The following TTC21A variants were observed in gnomAD, a reference collection of about 807,000 sequenced individuals.
The protein encoded by TTC21A is tetratricopeptide repeat protein 21A.
A neutral mutation model predicts 156.4 loss-of-function variants in TTC21A; 128 were observed. That is an observed-to-expected ratio of 0.82 (90% confidence interval 0.71 to 0.95). The LOEUF (loss-of-function observed/expected upper bound fraction) is 0.95. Ranked by LOEUF, TTC21A falls within the 40% of genes least tolerant of loss-of-function variation. TTC21A has a pLI of 0.00. For missense variants in TTC21A, 1,435 were observed against 1,602.3 expected (o/e 0.90, Z 1.78); for synonymous variants, 587 against 617.1 (o/e 0.95, Z 0.72).
intron 1 of TTC21A, among the ~76,000 whole-genome samples, chr3:39,108,687 A>C (rs2036493694): frequency 6.6e-6 from 1 of 152,230 alleles, no homozygotes; most frequent in Admixed American, 6.5e-5. Context: ...TTAGCTGTGA[A>C]AGATACTGAG....
intron 12 of TTC21A, among the ~76,000 whole-genome samples, chr3:39,127,271 A>G (rs1015561704): frequency 6.6e-6 from 1 of 152,132 alleles, no homozygotes; most frequent in Non-Finnish European, 1.5e-5. Flanking sequence ...GGGGTGTCCA[A>G]AGGGATCAGA....
At chr3:39,129,984 A>C in intron 15 of TTC21A, 95 bp from the exon 16 acceptor site, 1 of 1,244,392 alleles carries the variant, frequency 8.0e-7, no homozygotes, top group Non-Finnish European at 1.2e-6. Flanking sequence ...AATGAATGTC[A>C]GCCAGAATCA....
At chr3:39,111,331 GC>G (rs2036812925) in intron 4 of TTC21A, among the ~76,000 whole-genome samples, 1 of 152,134 alleles carries the variant, frequency 6.6e-6, no homozygotes, top group African/African-American at 2.4e-5. Context: ...TTCCACCTCA[GC>G]CCCCCAAGTA....
Position 39,130,578 on chromosome 3 carries a change from C to T in TTC21A, c.2320-123C>T. ...CACCCTGTGCCAGCTGGGAGGAGTGCCTTTTCACTTTAGGCTATGTTCTGG... is the reference window on the plus strand; with the variant it reads ...CACCCTGTGCCAGCTGGGAGGAGTGTCTTTTCACTTTAGGCTATGTTCTGG... On this transcript the variant is annotated intron_variant, in intron 17 of 28. Coordinates refer to ENST00000683103, the MANE Select transcript of TTC21A (RefSeq NM_001366900.1). The surrounding 1 kb of genome is among the most constrained non-coding windows in gnomAD (Gnocchi z 4.5). The T allele has an allele frequency of 7.7e-7, 1 of 1,292,370 alleles. No individual in the cohort carries two copies. Among genetic ancestry groups the T allele is most frequent in the Non-Finnish European group, 1.1e-6 (1 of 924,272 alleles). The allele number at this position is 1,292,370 out of a possible 1,614,324, so 80.1% of individuals were successfully genotyped here.
rs183809471 is a variant in TTC21A at position 39,134,867 on chromosome 3, C to T, written c.2863-226C>T. ...CTTCCCATGTACATCCTCAACCCAA[C>T]TCTTCTTGCCCCTCACCTTGGGAAG... On this transcript the variant is annotated intron_variant, in intron 21 of 28. Coordinates refer to ENST00000683103, the MANE Select transcript of TTC21A (RefSeq NM_001366900.1). The surrounding 1 kb of genome is among the most constrained non-coding windows in gnomAD (Gnocchi z 4.6). 348 of 594,956 alleles carry T rather than the reference C, an allele frequency of 5.8e-4. 2 individuals carry two copies. In the African/African-American group the frequency reaches 5.9e-3, roughly 10 times the overall value. 36.9% of individuals were successfully genotyped at this position (594,956 alleles called of 1,614,324 possible).
Position 39,107,734 on chromosome 3 carries a change from C to A in TTC21A, c.-104C>A, listed in dbSNP as rs959022124. On this transcript the variant is annotated 5_prime_UTR_variant, in exon 1 of 29. Coordinates refer to ENST00000683103, the MANE Select transcript of TTC21A (RefSeq NM_001366900.1). ...GCAGCTCGGTTTCCAAGGACTGTAA[C>A]GCCTTCAACCGCCCGCCGCGATAGA... The A allele has an allele frequency of 4.5e-5, 69 of 1,526,718 alleles. No individual in the cohort carries two copies. Among genetic ancestry groups the A allele is most frequent in the African/African-American group, 1.2e-4 (9 of 73,386 alleles). The allele number at this position is 1,526,718 out of a possible 1,614,324, so 94.6% of individuals were successfully genotyped here.
chr3:39,135,058 T>C (rs1247233869), intron 21 of TTC21A, 35 bp from the exon 22 acceptor site: 1 of 1,549,264 alleles, frequency 6.5e-7, no homozygotes, highest in Admixed American at 1.7e-5. Flanking sequence ...GCTGCCACTG[T>C]TGGGAAATCT....
intron 12 of TTC21A, among the ~76,000 whole-genome samples, chr3:39,127,674 C>A (rs2038381296): frequency 6.6e-6 from 1 of 152,172 alleles, no homozygotes; most frequent in Admixed American, 6.5e-5. Flanking sequence ...ACACCCAACC[C>A]CTAGGCTGCT....
At chr3:39,131,252 G>A (rs773838310) in intron 19 of TTC21A, among the ~76,000 whole-genome samples, 157 bp downstream of exon 19, 20 of 152,140 alleles carry the variant, frequency 1.3e-4, no homozygotes, top group Non-Finnish European at 2.2e-4. Context: ...TTATTTTCCC[G>A]TCCTGGTTCA....
chr3:39,108,134 C>A, intron 1 of TTC21A: 1 of 576,584 alleles, frequency 1.7e-6, no homozygotes, highest in Non-Finnish European at 3.1e-6. Context: ...ATCATCCCTT[C>A]TTCCACCCAG....
At chr3:39,116,874 TTTAA>T (rs2037338149) in intron 6 of TTC21A, among the ~76,000 whole-genome samples, 1 of 152,230 alleles carries the variant, frequency 6.6e-6, no homozygotes. Context: ...AGTTTTATTT[TTTAA>T]TTTTTAATTG....
chr3:39,110,281 G>T (rs1256313354), intron 3 of TTC21A, 142 bp downstream of exon 3: 1 of 714,866 alleles, frequency 1.4e-6, no homozygotes, highest in Non-Finnish European at 2.5e-6. Context: ...GTGAGAAGTG[G>T]CTGCTGCTCC....
intron 20 of TTC21A, among the ~76,000 whole-genome samples, 163 bp downstream of exon 20, chr3:39,133,403 G>A (rs1021829146): frequency 1.3e-5 from 2 of 152,248 alleles, no homozygotes; most frequent in Non-Finnish European, 2.9e-5. Flanking sequence ...CTGGGGTAAG[G>A]TGTCTGCTCC....
rs2125877927 is a variant in TTC21A, at chr3:39,138,381, G to A, written c.3790G>A (p.Ala1264Thr). The part of the protein sequence containing the change: ...AWKYSHHANP[A>T]IGFKLAFNYL... ...GAAGTACAGTCATCACGCCAACCCT[G>A]CCATTGGTAAGGCAACCAGCCAGGG... The change falls in exon 27 of 29, where the codon GCC becomes ACC. Residue 1264 changes from alanine (A) to threonine (T), a missense_variant. Coordinates refer to ENST00000683103, the MANE Select transcript of TTC21A (RefSeq NM_001366900.1). 6.2e-7 allele frequency: 1 copy of A among 1,614,060 alleles called. No homozygotes were observed. The highest frequency in any genetic ancestry group is 2.2e-5 in the East Asian group (1 of 44,882).
chr3:39,124,002 A>C (rs926049992), intron 9 of TTC21A, among the ~76,000 whole-genome samples: 2 of 152,168 alleles, frequency 1.3e-5, no homozygotes, highest in African/African-American at 2.4e-5. Flanking sequence ...ACTGGCAAAA[A>C]TTACAGCACG....
chr3:39,126,169 A>AT, intron 11 of TTC21A, 92 bp from the exon 12 acceptor site: 1 of 1,508,632 alleles, frequency 6.6e-7, no homozygotes, highest in East Asian at 2.3e-5. Flanking sequence ...ATGAAGCAAA[A>AT]TTCCTTCACT....
At chr3:39,138,092 A>G in intron 26 of TTC21A, 175 bp from the exon 27 acceptor site, 1 of 825,574 alleles carries the variant, frequency 1.2e-6, no homozygotes, top group Non-Finnish European at 1.9e-6. Context: ...AGAGGAGGGC[A>G]CACAGTTGGC....
chr3:39,137,802 A>G (rs2039248582), intron 26 of TTC21A, 92 bp downstream of exon 26: 1 of 1,351,730 alleles, frequency 7.4e-7, no homozygotes, highest in Admixed American at 2.0e-5. Context: ...GGTAGAGGCC[A>G]TATGGAATAA....
Position 39,130,437 on chromosome 3 carries a change from G to A in TTC21A, c.2319+79G>A. The A allele has an allele frequency of 8.2e-7, 1 of 1,220,870 alleles. No homozygotes were observed. The highest frequency in any genetic ancestry group is 1.1e-6 in the Non-Finnish European group (1 of 869,982). 75.6% of individuals were successfully genotyped at this position (1,220,870 alleles called of 1,614,324 possible). The stretch of plus-strand genomic sequence containing the variant: ...GAGGAGGACGGTACATGACTGGGGA[G>A]CTCTGGGTGGGAGGAGAGTGGCTGA... On this transcript the variant is annotated intron_variant, in intron 17 of 28. Transcript: ENST00000683103. The surrounding 1 kb of genome is among the most constrained non-coding windows in gnomAD (Gnocchi z 4.5).
Sources: allele counts gnomAD v4.1 joint callset (sites outside exome capture counted in the v4.1 genomes callset), GRCh38; gene constraint gnomAD v4.1.1; non-coding constraint Gnocchi (gnomAD v3.1); transcripts MANE v1.5; gene names NCBI Gene and HGNC (gene_info 2026-07-23, HGNC 2026-07-21).